APOOL: variants seen among roughly 807,000 people sequenced by gnomAD.
The protein encoded by APOOL is MICOS complex subunit MIC27.
A neutral mutation model predicts 23.1 loss-of-function variants in APOOL; 12 were observed. That is an observed-to-expected ratio of 0.52 (90% CI 0.33 to 0.84). The LOEUF is 0.84. APOOL is among the 40% of genes least tolerant of loss of function. APOOL has a pLI of 0.02. For synonymous variants in APOOL, 77 were observed against 69.9 expected (o/e 1.10, Z -0.51); for missense variants, 212 against 199.6 (o/e 1.06, Z -0.37).
intron 5 of APOOL, among the ~76,000 whole-genome samples, chrX:85,060,465 T>G (rs2147653079): frequency 9.2e-6 from 1 of 108,245 alleles, no homozygotes; most frequent in East Asian, 2.9e-4. Flanking sequence ...TAAACTACCT[T>G]GGGCAGTATG....
In APOOL at chrX:85,092,859, C is replaced by T; in HGVS notation, c.*5181C>T. 1 of 319,831 alleles carries T rather than the reference C, an allele frequency of 3.1e-6. No individual in the cohort carries two copies. The highest frequency in any genetic ancestry group is 5.4e-6 in the Non-Finnish European group (1 of 184,602). 26.4% of individuals were successfully genotyped at this position (319,831 alleles called of 1,213,427 possible). A position where few individuals can be genotyped will look rare whatever the true frequency, so the allele number is the denominator to read the frequency against. On this transcript the variant is annotated 3_prime_UTR_variant, in exon 9 of 9. Transcript: ENST00000373173. Reference sequence around the variant, plus strand: ...GTTTCCAAAATACAAGAAGATCTTGCTTTTATAGTCTTGTAATATTCATAC... The same window carrying T: ...GTTTCCAAAATACAAGAAGATCTTGTTTTTATAGTCTTGTAATATTCATAC...
chrX:85,030,178 A>G (rs1399594794), intron 1 of APOOL, among the ~76,000 whole-genome samples: 1 of 112,394 alleles, frequency 8.9e-6, no homozygotes. Context: ...CTCAGCCATT[A>G]AAAGAAATGA....
chrX:85,054,157 A>G (rs1407326321), intron 3 of APOOL, among the ~76,000 whole-genome samples, 187 bp from the exon 4 acceptor site: 1 of 111,718 alleles, frequency 9.0e-6, no homozygotes, highest in East Asian at 2.8e-4. Flanking sequence ...AATGTTATCC[A>G]TGTTAAATAG....
At chrX:85,035,466 T>G (rs1246309976) in intron 1 of APOOL, among the ~76,000 whole-genome samples, 1 of 111,521 alleles carries the variant, frequency 9.0e-6, no homozygotes, top group Non-Finnish European at 1.9e-5. Flanking sequence ...TAGGTTCCAT[T>G]TGTCAATTTT....
chrX:85,076,965 G>GTT (rs141686672), intron 8 of APOOL, among the ~76,000 whole-genome samples: 4 of 90,438 alleles, frequency 4.4e-5, no homozygotes, highest in East Asian at 3.5e-4. Context: ...CTCTGACTAT[G>GTT]TTTTTTTTTA....
chrX:85,069,645 T>A (rs1304546988), intron 6 of APOOL, among the ~76,000 whole-genome samples: 1 of 108,559 alleles, frequency 9.2e-6, no homozygotes, highest in Non-Finnish European at 1.9e-5. Context: ...AAATCTTTCC[T>A]TTTTCTCTAT....
At position 85,092,520 on chromosome X, in the gene APOOL, G is replaced by A. The variant is rs764934865; in HGVS notation, c.*4842G>A. The A allele has an allele frequency of 2.2e-5, 27 of 1,208,243 alleles. No individual in the cohort carries two copies. The highest frequency in any genetic ancestry group is 8.8e-5 in the African/African-American group (5 of 57,117). On this transcript the variant is annotated 3_prime_UTR_variant, in exon 9 of 9. Transcript: ENST00000373173. ...TGATAGAAGCCTGGTTCCAAATGACGACAAGAAAGTGCATGCAGTTACATT... is the reference window on the plus strand; with the variant it reads ...TGATAGAAGCCTGGTTCCAAATGACAACAAGAAAGTGCATGCAGTTACATT...
At chrX:85,060,065 G>A (rs1169555271) in intron 5 of APOOL, among the ~76,000 whole-genome samples, 1 of 111,037 alleles carries the variant, frequency 9.0e-6, no homozygotes, top group Non-Finnish European at 1.9e-5. Context: ...TAAGGTGTAA[G>A]AAAGGGATCC....
chrX:85,050,556 T>G (rs1228765112), intron 2 of APOOL, among the ~76,000 whole-genome samples: 2 of 108,374 alleles, frequency 1.8e-5, no homozygotes, highest in Non-Finnish European at 3.8e-5. Context: ...CAGTTCTATC[T>G]TCCTCAAACA....
intron 5 of APOOL, among the ~76,000 whole-genome samples, chrX:85,063,679 A>G (rs896173564): frequency 9.0e-6 from 1 of 111,189 alleles, no homozygotes; most frequent in Admixed American, 9.6e-5. Flanking sequence ...TTGATTTTGC[A>G]TATGTTGAAC....
At chrX:85,042,467 C>G (rs987970204) in intron 1 of APOOL, among the ~76,000 whole-genome samples, 6 of 111,813 alleles carry the variant, frequency 5.4e-5, no homozygotes, top group Non-Finnish European at 1.1e-4. Context: ...AAAATCTCCC[C>G]AGAAGGAAAA....
intron 4 of APOOL, among the ~76,000 whole-genome samples, chrX:85,055,113 T>C (rs1922915308): frequency 8.9e-6 from 1 of 111,959 alleles, no homozygotes; most frequent in Non-Finnish European, 1.9e-5. Flanking sequence ...TGATGACCTG[T>C]ATTTGAATTG....
intron 8 of APOOL, among the ~76,000 whole-genome samples, chrX:85,077,080 T>TATATATATATACAC (rs1923882318): frequency 1.0e-5 from 1 of 99,033 alleles, no homozygotes; most frequent in Admixed American, 1.1e-4. Flanking sequence ...TATATACATA[T>TATATATATATACAC]ATATATATAT....
chrX:85,036,685 G>A (rs1922228040), intron 1 of APOOL, among the ~76,000 whole-genome samples: 1 of 111,492 alleles, frequency 9.0e-6, no homozygotes, highest in Non-Finnish European at 1.9e-5. Flanking sequence ...AAGGGTTGTT[G>A]AATTTTATTT....
rs1924580131 is a variant in APOOL at position 85,093,146 on chromosome X, G to A, written c.*5468G>A. On this transcript the variant is annotated 3_prime_UTR_variant, in exon 9 of 9. Coordinates refer to ENST00000373173, the MANE Select transcript of APOOL (RefSeq NM_198450.6). ...CCCTGTGAATATTTATTAAGAAAAG[G>A]TTAATGTATAGAATATCAATACTAA... 1.8e-6 allele frequency: 2 copies of A among 1,112,536 alleles called. No homozygotes were observed. Among genetic ancestry groups the A allele is most frequent in the Admixed American group, 2.8e-5 (1 of 36,304 alleles). 91.7% of individuals were successfully genotyped at this position (1,112,536 alleles called of 1,213,427 possible). A position where few individuals can be genotyped will look rare whatever the true frequency, so the allele number is the denominator to read the frequency against.
chrX:85,060,767 T>A (rs773713275), intron 5 of APOOL, among the ~76,000 whole-genome samples: 3 of 111,678 alleles, frequency 2.7e-5, no homozygotes, highest in Admixed American at 9.6e-5. Flanking sequence ...GTATCAGCTT[T>A]AGGAGATTTT....
intron 3 of APOOL, among the ~76,000 whole-genome samples, chrX:85,052,630 A>G (rs1257178738): frequency 1.8e-5 from 2 of 112,044 alleles, no homozygotes; most frequent in Non-Finnish European, 3.8e-5. Context: ...ATTCCAGATA[A>G]TATTTCAAAT....
At position 85,064,086 on chromosome X, in the gene APOOL, T is replaced by G. The variant is rs765605697; in HGVS notation, c.395-3041T>G. Among the ~76,000 whole-genome samples, 6 of 111,252 alleles carry G rather than the reference T, an allele frequency of 5.4e-5. No homozygotes were observed. The East Asian group carries it at 1.4e-3, about 26-fold the overall frequency. ...CTGGCCTATTCAGGGATTCAACTTCTTCCTGGTTCAGTCTTGGGAGGGTGT... is the reference window on the plus strand; with the variant it reads ...CTGGCCTATTCAGGGATTCAACTTCGTCCTGGTTCAGTCTTGGGAGGGTGT... On this transcript the variant is annotated intron_variant, in intron 5 of 8. Transcript: ENST00000373173.
In APOOL at chrX:85,074,105, A is replaced by G. The variant is rs1341802401; in HGVS notation, c.594A>G (p.Lys198=). Residue 198 remains lysine, a synonymous_variant, in exon 7 of 9, where the codon AAA becomes AAG. Coordinates refer to ENST00000373173, the MANE Select transcript of APOOL (RefSeq NM_198450.6). ...AGTCACTCCCTAAACCTAAAGAAAA[A>G]ACTAAGGTAGAGTTTACATGGAGCA... ...KEESLPKPKE[K]TKLGSSSEIE... The G allele has an allele frequency of 8.6e-7, 1 of 1,162,444 alleles. No homozygotes were observed. Among genetic ancestry groups the G allele is most frequent in the East Asian group, 3.2e-5 (1 of 30,865 alleles).
Sources: allele counts gnomAD v4.1 joint callset (sites outside exome capture counted in the v4.1 genomes callset), GRCh38; gene constraint gnomAD v4.1.1; transcripts MANE v1.5; gene names NCBI Gene and HGNC (gene_info 2026-07-23, HGNC 2026-07-21).